The following SELE variants were observed in gnomAD, a reference collection of about 807,000 sequenced individuals.
SELE encodes E-selectin.
In SELE, 52 loss-of-function variants were observed where a neutral mutation model predicts 75.8. That is an observed-to-expected ratio of 0.69 (90% CI 0.55 to 0.86). SELE has a LOEUF of 0.86. Among genes scored for constraint, SELE ranks in the 40% least tolerant of loss-of-function variants. The probability of loss-of-function intolerance (pLI) is 0.00; values close to 1 mark genes in which losing one functional copy is unlikely to be tolerated. For missense variants in SELE, 754 were observed against 732.7 expected (o/e 1.03, Z -0.34); for synonymous variants, 285 against 258.7 (o/e 1.10, Z -0.98).
In SELE at chr1:169,727,672, A is replaced by G. The variant is rs1648809164; in HGVS notation, c.1468+67T>C. 4 of 1,558,854 alleles carry G rather than the reference A, an allele frequency of 2.6e-6. No individual in the cohort carries two copies. The Admixed American group carries it at 7.2e-5, about 28-fold the overall frequency. ...AATTAGGACCAAACCCCTTTGGGGC[A>G]ATCTAGGTTCAGAAACTTTATGAAG... is the stretch of plus-strand genomic sequence containing the variant. On this transcript the variant is annotated intron_variant, in intron 9 of 13. Transcript: ENST00000333360.
At position 169,732,869 on chromosome 1, in the gene SELE, A is replaced by G. The variant is rs1648950564; in HGVS notation, c.167T>C (p.Ile56Thr). 3 of 1,614,010 alleles carry G rather than the reference A, an allele frequency of 1.9e-6. No homozygotes were observed. In the African/African-American group the frequency reaches 4.0e-5, roughly 22 times the overall value. ...HLVAIQNKEEIEYLNSILSYS... is the reference protein window; with the variant it reads ...HLVAIQNKEETEYLNSILSYS... ...GCTCAATATGGAGTTTAGGTACTCA[A>G]TCTCTTCTTTGTTTTGAATTGCAAC... The change falls in exon 3 of 14, where the codon ATT becomes ACT. Residue 56 changes from isoleucine (I) to threonine (T), a missense_variant. Physicochemically the swap from Ile to Thr is moderately conservative, Grantham distance 89. Coordinates refer to ENST00000333360, the MANE Select transcript of SELE (RefSeq NM_000450.2).
intron 10 of SELE, 92 bp downstream of exon 10, chr1:169,727,257 T>C (rs1252558150): frequency 7.1e-7 from 1 of 1,402,940 alleles, no homozygotes; most frequent in African/African-American, 1.4e-5. Context: ...AACTTTCTGG[T>C]TTGGATATAA....
intron 13 of SELE, among the ~76,000 whole-genome samples, chr1:169,725,205 A>C (rs1040889027): frequency 6.6e-6 from 1 of 152,164 alleles, no homozygotes; most frequent in Non-Finnish European, 1.5e-5. Flanking sequence ...TGACGAAAAA[A>C]TACAAAATCT....
At chr1:169,731,278 G>A (rs1056107079) in intron 4 of SELE, among the ~76,000 whole-genome samples, 1 of 152,100 alleles carries the variant, frequency 6.6e-6, no homozygotes. Context: ...ACTGCACAAC[G>A]CTGTGCTAAG....
rs757822409 is a variant in SELE, at chr1:169,728,064, A to G, written c.1273T>C (p.Cys425Arg). Residue 425 changes from cysteine (C) to arginine (R), a missense_variant, in exon 8 of 14, where the codon TGT becomes CGT. Coordinates refer to ENST00000333360, the MANE Select transcript of SELE (RefSeq NM_000450.2). ...TGEWDNEKPT[C>R]EAVRCDAVHQ... is the part of the protein sequence containing the mutation. ...ATAAAAACAAAGACTGTACCTTCAC[A>G]TGTGGGCTTCTCGTTGTCCCACTCC... 3 of 1,611,752 alleles carry G rather than the reference A, an allele frequency of 1.9e-6. No homozygotes were observed. Among genetic ancestry groups the G allele is most frequent in the Non-Finnish European group, 2.5e-6 (3 of 1,179,440 alleles).
At position 169,729,929 on chromosome 1, in the gene SELE, TA is replaced by T. The variant is rs569892080; in HGVS notation, c.716-257del. ...TTATCATTTACGTGAGGTAAAAATT[TA>T]AAAAAAATAGATTCCAGATTAGGAG... On this transcript the variant is annotated intron_variant, in intron 5 of 13. Transcript: ENST00000333360. Among the ~76,000 whole-genome samples, 552 of 152,118 alleles carry T rather than the reference TA, an allele frequency of 3.6e-3. 4 individuals carry two copies. The highest frequency in any genetic ancestry group is 0.013 in the African/African-American group (537 of 41,520).
Position 169,733,645 on chromosome 1 carries a change from G to A in SELE, c.-33C>T, listed in dbSNP as rs1327402876. 6.2e-7 allele frequency: 1 copy of A among 1,607,968 alleles called. No individual in the cohort carries two copies. Among genetic ancestry groups the A allele is most frequent in the Non-Finnish European group, 8.5e-7 (1 of 1,174,418 alleles). The stretch of plus-strand genomic sequence containing the variant: ...AGAGTTCTTTTCACCCAAAGGTTTA[G>A]GCTTGAAATACTTTCCTGGGGAGAT... On this transcript the variant is annotated 5_prime_UTR_variant, in exon 2 of 14. Coordinates refer to ENST00000333360, the MANE Select transcript of SELE (RefSeq NM_000450.2).
intron 9 of SELE, 34 bp from the exon 10 acceptor site, chr1:169,727,559 A>G: frequency 1.3e-6 from 2 of 1,588,918 alleles, no homozygotes; most frequent in South Asian, 2.3e-5. Flanking sequence ...AGAGTTTCAG[A>G]AAAATCTACT....
intron 3 of SELE, 24 bp downstream of exon 3, chr1:169,732,591 C>T (rs774179598): frequency 1.3e-6 from 2 of 1,534,622 alleles, no homozygotes; most frequent in Non-Finnish European, 1.7e-6. Flanking sequence ...AAACTACCTC[C>T]CACTGCTGCC....
At chr1:169,731,767 TA>T in intron 4 of SELE, 67 bp downstream of exon 4, 1 of 1,072,914 alleles carries the variant, frequency 9.3e-7, no homozygotes. Flanking sequence ...GACCTGACTC[TA>T]ATGCCAGCTA....
chr1:169,732,293 T>TTA (rs1345547031), intron 3 of SELE, among the ~76,000 whole-genome samples: 13 of 150,720 alleles, frequency 8.6e-5, no homozygotes, highest in Non-Finnish European at 1.5e-5. Flanking sequence ...TATATATATT[T>TTA]TATATATATA....
chr1:169,726,230 A>G (rs905455186), intron 11 of SELE, among the ~76,000 whole-genome samples: 1 of 152,228 alleles, frequency 6.6e-6, no homozygotes, highest in African/African-American at 2.4e-5. Context: ...GAGATTTCCT[A>G]TTTTGTAAAC....
Position 169,726,764 on chromosome 1 carries a change from G to C in SELE, c.1688C>G (p.Ala563Gly), listed in dbSNP as rs1183533495. The C allele has an allele frequency of 3.7e-6, 6 of 1,613,870 alleles. No individual in the cohort carries two copies. The highest frequency in any genetic ancestry group is 5.1e-6 in the Non-Finnish European group (6 of 1,179,902). ...SNIPLVAGLSAAGLSLLTLAP... is the reference protein window; with the variant it reads ...SNIPLVAGLSGAGLSLLTLAP... The stretch of plus-strand genomic sequence containing the variant: ...TAATGTCAGGAGGGAGAGTCCAGCA[G>C]CAGAAAGTCCAGCTACCAAGGGAAT... Residue 563 changes from alanine (A) to glycine (G), a missense_variant, in exon 11 of 14, where the codon GCT becomes GGT. Transcript: ENST00000333360.
At chr1:169,730,000 C>T (rs1194431464) in intron 5 of SELE, among the ~76,000 whole-genome samples, 1 of 152,018 alleles carries the variant, frequency 6.6e-6, no homozygotes, top group East Asian at 1.9e-4. Context: ...TTATTTTAGC[C>T]CATCAGAGCC....
At chr1:169,730,650 C>G in intron 4 of SELE, 33 bp from the exon 5 acceptor site, 2 of 1,460,926 alleles carry the variant, frequency 1.4e-6, no homozygotes, top group South Asian at 2.9e-5. Flanking sequence ...TTCTGCTCAT[C>G]TCTCACCTTT....
chr1:169,728,014 A>G (rs1260994845), intron 8 of SELE, 44 bp downstream of exon 8: 2 of 1,584,564 alleles, frequency 1.3e-6, no homozygotes, highest in African/African-American at 1.4e-5. Flanking sequence ...AAGCTCTTCA[A>G]TAGTTCTTTT....
chr1:169,729,116 T>A, intron 7 of SELE, 70 bp downstream of exon 7: 1 of 1,422,350 alleles, frequency 7.0e-7, no homozygotes, highest in Non-Finnish European at 9.5e-7. Flanking sequence ...TATTGGTTTT[T>A]TTTTTCACTG....
intron 5 of SELE, 59 bp from the exon 6 acceptor site, chr1:169,729,732 T>C: frequency 6.5e-7 from 1 of 1,544,240 alleles, no homozygotes; most frequent in Non-Finnish European, 8.9e-7. Context: ...CACTTCCTAT[T>C]GAGCTGGGTG....
intron 11 of SELE, 88 bp downstream of exon 11, chr1:169,726,611 T>A (rs1571143888): frequency 1.1e-6 from 1 of 919,688 alleles, no homozygotes; most frequent in East Asian, 2.6e-5. Flanking sequence ...AATTATTGTT[T>A]AAATCAGTAA....
Sources: allele counts gnomAD v4.1 joint callset (sites outside exome capture counted in the v4.1 genomes callset), GRCh38; gene constraint gnomAD v4.1.1; transcripts MANE v1.5; gene names NCBI Gene and HGNC (gene_info 2026-07-23, HGNC 2026-07-21).